SLC24A2: variants seen among roughly 807,000 people sequenced by gnomAD.
SLC24A2 encodes sodium/potassium/calcium exchanger 2.
A neutral mutation model predicts 62.0 loss-of-function variants in SLC24A2; 36 were observed. That is an observed-to-expected ratio of 0.58 (90% CI 0.44 to 0.77). The LOEUF is 0.77. Ranked by LOEUF, SLC24A2 falls within the 30% of genes least tolerant of loss-of-function variation. The pLI, the probability that SLC24A2 is intolerant of heterozygous loss-of-function variation, is 0.00. For synonymous variants in SLC24A2, 358 were observed against 294.0 expected (o/e 1.22, Z -2.23); for missense variants, 846 against 817.9 (o/e 1.03, Z -0.42).
At chr9:19,571,858 G>A (rs1336657518) in intron 7 of SLC24A2, among the ~76,000 whole-genome samples, 1 of 152,228 alleles carries the variant, frequency 6.6e-6, no homozygotes, top group African/African-American at 2.4e-5. Context: ...TCTAGAGAGA[G>A]TGGTGGAAAT....
intron 3 of SLC24A2, among the ~76,000 whole-genome samples, chr9:19,619,895 C>A (rs537905547): frequency 1.3e-5 from 2 of 152,306 alleles, no homozygotes; most frequent in South Asian, 4.1e-4. Context: ...TGCATTGCTT[C>A]CCTTTTTAAA....
At chr9:19,813,756 G>C in the SLC24A2 span, among the ~76,000 whole-genome samples, 2 of 152,114 alleles carry the variant, frequency 1.3e-5, no homozygotes, top group Non-Finnish European at 2.9e-5. Flanking sequence ...AGGTCAGGAA[G>C]GTGCAGACCC....
Position 19,632,691 on chromosome 9 carries a change from G to A in SLC24A2, c.931-10392C>T, listed in dbSNP as rs1689180149. ...AAATAGTTGCAAAAATATGTATAGG[G>A]TGGTCCCATGCGCCCTTTACCCAAC... On this transcript the variant is annotated intron_variant, in intron 2 of 10. Transcript: ENST00000341998. The surrounding 1 kb of genome is among the most constrained non-coding windows in gnomAD (Gnocchi z 4.5). Among the ~76,000 whole-genome samples, 1 of 152,096 alleles carries A rather than the reference G, an allele frequency of 6.6e-6. No individual in the cohort carries two copies. Among genetic ancestry groups the A allele is most frequent in the Non-Finnish European group, 1.5e-5 (1 of 68,024 alleles).
At chr9:19,844,216 T>C in the SLC24A2 span, among the ~76,000 whole-genome samples, 2 of 152,196 alleles carry the variant, frequency 1.3e-5, no homozygotes, top group Non-Finnish European at 2.9e-5. Context: ...ACGATAGCCA[T>C]TCTGATTGGA....
intron 2 of SLC24A2, among the ~76,000 whole-genome samples, chr9:19,654,750 G>A (rs1342118393): frequency 2.0e-5 from 3 of 152,028 alleles, no homozygotes; most frequent in African/African-American, 7.2e-5. Context: ...TATAATCCTA[G>A]TTCCATGATT....
At chr9:19,738,075 G>A (rs1488124284) in intron 2 of SLC24A2, among the ~76,000 whole-genome samples, 2 of 152,116 alleles carry the variant, frequency 1.3e-5, no homozygotes, top group African/African-American at 2.4e-5. Flanking sequence ...CAAGATGAGT[G>A]AGGAAAAAAA....
In SLC24A2 at chr9:19,513,419, T is replaced by TTG. The variant is rs749054288; in HGVS notation, c.*2732_*2733dup. 2 of 152,084 alleles carry TTG rather than the reference T, an allele frequency of 1.3e-5. No individual in the cohort carries two copies. Among genetic ancestry groups the TTG allele is most frequent in the Non-Finnish European group, 2.9e-5 (2 of 68,076 alleles). 9.4% of individuals were successfully genotyped at this position (152,084 alleles called of 1,614,324 possible). A position where few individuals can be genotyped will look rare whatever the true frequency, so the allele number is the denominator to read the frequency against. On this transcript the variant is annotated 3_prime_UTR_variant, in exon 11 of 11. Coordinates refer to ENST00000341998, the MANE Select transcript of SLC24A2 (RefSeq NM_020344.4). Reference sequence around the variant, plus strand: ...AAGCAAGGGCAGGCTGTGGAATCACTTGTGTCCCATCCAGTGAGGGAGCAG... The same window carrying TTG: ...AAGCAAGGGCAGGCTGTGGAATCACTTGTGTGTCCCATCCAGTGAGGGAGCAG...
chr9:20,034,710 C>A, the SLC24A2 span, among the ~76,000 whole-genome samples: 3 of 152,030 alleles, frequency 2.0e-5, no homozygotes, highest in Admixed American at 6.6e-5. Context: ...ACTCGTGATC[C>A]GCCCGCCTTG....
chr9:19,550,130 T>G lies in SLC24A2; in HGVS notation c.1479+7A>C, dbSNP rs201660452. 1 of 1,613,464 alleles carries G rather than the reference T, an allele frequency of 6.2e-7. No individual in the cohort carries two copies. ...CAAGGGAACTATTTTTAAAATGCTT[T>G]ACTTACAGGTTTGCGAACGTCAGGT... On this transcript the variant is annotated splice_region_variant and intron_variant, in intron 8 of 10. Transcript: ENST00000341998.
chr9:20,241,656 TAAA>T, the SLC24A2 span, among the ~76,000 whole-genome samples: 2 of 148,132 alleles, frequency 1.4e-5, no homozygotes, highest in African/African-American at 5.3e-5. Context: ...TGAGAGAAAA[TAAA>T]GATAAATTGC....
intron 1 of SLC24A2, 69 bp downstream of exon 1, chr9:19,788,816 C>T: frequency 1.0e-6 from 1 of 985,454 alleles, no homozygotes; most frequent in Non-Finnish European, 1.2e-6. Flanking sequence ...GGGATGCGCG[C>T]AACCGGGATG....
Position 19,550,139 on chromosome 9 carries a change from G to T in SLC24A2, c.1477C>A (p.Pro493Thr). The change falls in exon 8 of 11, where the codon CCT (proline) becomes ACT (threonine). Residue 493 changes from proline (P) to threonine (T), a missense_variant and splice_region_variant. By Grantham distance (38) the Pro-to-Thr change is conservative. Coordinates refer to ENST00000341998, the MANE Select transcript of SLC24A2 (RefSeq NM_020344.4). Reference protein sequence around the residue: ...LWITLPDVRKPSSRKFFPITF... With the variant: ...LWITLPDVRKTSSRKFFPITF... ...TATTTTTAAAATGCTTTACTTACAG[G>T]TTTGCGAACGTCAGGTAACGTAATC... The T allele has an allele frequency of 6.2e-7, 1 of 1,613,714 alleles. No homozygotes were observed.
At chr9:19,764,066 T>C (rs1415353717) in intron 2 of SLC24A2, among the ~76,000 whole-genome samples, 1 of 152,214 alleles carries the variant, frequency 6.6e-6, no homozygotes, top group Non-Finnish European at 1.5e-5. Context: ...CAGGAATTTA[T>C]CCATGTCTTC....
At chr9:20,126,446 C>T in the SLC24A2 span, among the ~76,000 whole-genome samples, 9 of 152,114 alleles carry the variant, frequency 5.9e-5, no homozygotes, top group Admixed American at 4.6e-4. Context: ...AGTTTATCCA[C>T]GGCAATCAAT....
the SLC24A2 span, among the ~76,000 whole-genome samples, chr9:20,092,516 T>C: frequency 6.6e-6 from 1 of 152,220 alleles, no homozygotes; most frequent in African/African-American, 2.4e-5. Flanking sequence ...AGCCAAAAGA[T>C]TGGACACCTC....
At chr9:20,025,319 A>C in the SLC24A2 span, among the ~76,000 whole-genome samples, 1 of 152,196 alleles carries the variant, frequency 6.6e-6, no homozygotes, top group Non-Finnish European at 1.5e-5. Flanking sequence ...GTAAGTATTT[A>C]CTGAATAAAT....
chr9:19,985,247 C>T, the SLC24A2 span, among the ~76,000 whole-genome samples: 2 of 151,878 alleles, frequency 1.3e-5, no homozygotes, highest in African/African-American at 4.8e-5. Flanking sequence ...GCAATTTGTA[C>T]AAGAGAAATA....
At chr9:19,765,367 A>T (rs1282655800) in intron 2 of SLC24A2, among the ~76,000 whole-genome samples, 1 of 152,140 alleles carries the variant, frequency 6.6e-6, no homozygotes, top group Non-Finnish European at 1.5e-5. Context: ...TTTGCCCATT[A>T]GTTGATGCAG....
At chr9:20,172,125 C>A in the SLC24A2 span, among the ~76,000 whole-genome samples, 1 of 151,996 alleles carries the variant, frequency 6.6e-6, no homozygotes, top group African/African-American at 2.4e-5. Flanking sequence ...ACTGGGTCAA[C>A]AATGAAATCA....
Sources: gnomAD v4.1 joint callset for allele counts (sites outside exome capture counted in the v4.1 genomes callset) on GRCh38, gnomAD v4.1.1 for gene constraint, Gnocchi (gnomAD v3.1) non-coding constraint, MANE v1.5 for transcripts, NCBI Gene and HGNC (gene_info 2026-07-23, HGNC 2026-07-21) for gene names.